The following PRKN variants were observed in gnomAD, a reference collection of about 807,000 sequenced individuals.
The protein encoded by PRKN is parkin RBR E3 ubiquitin protein ligase.
In PRKN, 56 loss-of-function variants were observed where a neutral mutation model predicts 59.5. The ratio of observed to expected loss-of-function variants is 0.94; its 90% CI spans 0.76 to 1.18. The LOEUF is 1.18. Among genes scored for constraint, PRKN ranks in the 50% most tolerant of loss-of-function variants. The pLI, the probability that PRKN is intolerant of heterozygous loss-of-function variation, is 0.00. For synonymous variants in PRKN, 250 were observed against 222.1 expected (o/e 1.13, Z -1.12); for missense variants, 657 against 596.4 (o/e 1.10, Z -1.06).
chr6:162,688,561 T>G (rs371423708), intron 1 of PRKN, among the ~76,000 whole-genome samples: 1 of 152,254 alleles, frequency 6.6e-6, no homozygotes, highest in African/African-American at 2.4e-5. Flanking sequence ...AAAACAAAAT[T>G]TAACTGTTAC....
chr6:162,171,191 A>G (rs1783255721), intron 4 of PRKN, among the ~76,000 whole-genome samples: 1 of 152,080 alleles, frequency 6.6e-6, no homozygotes, highest in Non-Finnish European at 1.5e-5. Context: ...AAAGGTCCTT[A>G]TGAGGATGGT....
At chr6:161,894,625 G>A (rs1049437963) in intron 6 of PRKN, among the ~76,000 whole-genome samples, 7 of 152,236 alleles carry the variant, frequency 4.6e-5, no homozygotes, top group East Asian at 1.9e-4. Context: ...TGCTCCTTGC[G>A]ATATACTTAT....
At chr6:161,902,837 G>A (rs552041738) in intron 6 of PRKN, among the ~76,000 whole-genome samples, 30 of 152,228 alleles carry the variant, frequency 2.0e-4, no homozygotes, top group South Asian at 1.7e-3. Flanking sequence ...GATTACAGGC[G>A]TGAGCCACCT....
At chr6:162,009,625 T>C (rs1782402751) in intron 5 of PRKN, among the ~76,000 whole-genome samples, 2 of 151,726 alleles carry the variant, frequency 1.3e-5, no homozygotes, top group African/African-American at 4.9e-5. Context: ...GCACACAGGA[T>C]GCATGCAGTG....
chr6:161,740,215 A>T (rs1788131482), intron 7 of PRKN, among the ~76,000 whole-genome samples: 2 of 152,390 alleles, frequency 1.3e-5, no homozygotes, highest in African/African-American at 4.8e-5. Context: ...CTTTTGAAAT[A>T]TTAAAAATAG....
intron 1 of PRKN, among the ~76,000 whole-genome samples, chr6:162,527,288 T>C (rs886580396): frequency 6.6e-6 from 1 of 152,144 alleles, no homozygotes; most frequent in Non-Finnish European, 1.5e-5. Flanking sequence ...ATAGTTACAG[T>C]GAGTGTATGA....
Position 161,348,666 on chromosome 6 carries a change from C to G in PRKN, c.*1433G>C, listed in dbSNP as rs559966988. 4 of 211,220 alleles carry G rather than the reference C, an allele frequency of 1.9e-5. No individual in the cohort carries two copies. The highest frequency in any genetic ancestry group is 3.8e-4 in the South Asian group (2 of 5,326). 13.1% of individuals were successfully genotyped at this position (211,220 alleles called of 1,614,324 possible). On this transcript the variant is annotated 3_prime_UTR_variant, in exon 12 of 12. Coordinates refer to ENST00000366898, the MANE Select transcript of PRKN (RefSeq NM_004562.3). This position sits in a 1 kb window ranked among gnomAD's most constrained non-coding sequence, Gnocchi z 4.9. ...TCAGTGCTACATCTAAAAAGAGAAG[C>G]CCTGTTGCCGATTTAATAATTTACA...
At position 161,773,766 on chromosome 6, in the gene PRKN, C is replaced by A. The variant is rs139481089; in HGVS notation, c.871+12006G>T. ...TTCTCTCTGCTATTCAGAACATTCCCACCTTATTTTTGCTTTCTCAAATGT... is the reference window on the plus strand; with the variant it reads ...TTCTCTCTGCTATTCAGAACATTCCAACCTTATTTTTGCTTTCTCAAATGT... On this transcript the variant is annotated intron_variant, in intron 7 of 11. Transcript: ENST00000366898. 5.2e-3 allele frequency among the ~76,000 whole-genome samples: 799 copies of A among 152,232 alleles called. 8 individuals are homozygous for A. Among genetic ancestry groups the A allele is most frequent in the African/African-American group, 0.018 (750 of 41,540 alleles).
chr6:162,606,379 T>C (rs1292830196), intron 1 of PRKN, among the ~76,000 whole-genome samples: 2 of 152,222 alleles, frequency 1.3e-5, no homozygotes, highest in South Asian at 2.1e-4. Context: ...TCCTATCTTA[T>C]AATAAAGTAT....
In PRKN at chr6:162,096,521, A is replaced by G. The variant is rs971930789; in HGVS notation, c.535-42347T>C. Among the ~76,000 whole-genome samples the G allele has an allele frequency of 2.6e-5, 4 of 152,322 alleles. No individual in the cohort carries two copies. The East Asian group carries it at 7.7e-4, about 30-fold the overall frequency. ...CTACCCAAATCTCATCCTGAATTGT[A>G]GCTCCCATAATTCCCACATGTTGTG... On this transcript the variant is annotated intron_variant, in intron 4 of 11. Coordinates refer to ENST00000366898, the MANE Select transcript of PRKN (RefSeq NM_004562.3).
rs1250212823 is a variant in PRKN at position 161,560,039 on chromosome 6, C to T, written c.933+9316G>A. Among the ~76,000 whole-genome samples, 2 of 152,044 alleles carry T rather than the reference C, an allele frequency of 1.3e-5. No homozygotes were observed. Among genetic ancestry groups the T allele is most frequent in the African/African-American group, 4.8e-5 (2 of 41,404 alleles). The stretch of plus-strand genomic sequence containing the variant: ...GATCATCACAATGCATCCCTCATGC[C>T]CCACATCATTGCTTCAGAGGCTCAA... On this transcript the variant is annotated intron_variant, in intron 8 of 11. Transcript: ENST00000366898. The surrounding 1 kb of genome is among the most constrained non-coding windows in gnomAD (Gnocchi z 4.9).
intron 2 of PRKN, among the ~76,000 whole-genome samples, chr6:162,301,784 G>T (rs547886239): frequency 3.2e-5 from 1 of 31,154 alleles, no homozygotes; most frequent in Non-Finnish European, 5.2e-5. Context: ...TGGCCGGGGC[G>T]GGGGGGGGGT....
intron 6 of PRKN, among the ~76,000 whole-genome samples, chr6:161,900,928 A>ATATATATTTT (rs377615355): frequency 1.3e-4 from 18 of 143,510 alleles, no homozygotes; most frequent in Admixed American, 3.6e-4. Context: ...ATATATATAT[A>ATATATATTTT]TTTTTTAGAT....
At chr6:161,727,152 G>A (rs1405415290) in intron 7 of PRKN, among the ~76,000 whole-genome samples, 2 of 152,174 alleles carry the variant, frequency 1.3e-5, no homozygotes, top group African/African-American at 4.8e-5. Context: ...GGGAGCTGCT[G>A]GCTAGCTGTC....
At chr6:161,704,609 C>A (rs1786403875) in intron 7 of PRKN, among the ~76,000 whole-genome samples, 1 of 152,084 alleles carries the variant, frequency 6.6e-6, no homozygotes, top group Non-Finnish European at 1.5e-5. Context: ...ATCTGCACAC[C>A]CAGGTCCTCC....
chr6:161,585,229 A>G (rs575114560), intron 7 of PRKN, among the ~76,000 whole-genome samples: 3 of 152,314 alleles, frequency 2.0e-5, no homozygotes, highest in Admixed American at 6.5e-5. Context: ...AGAAAACACA[A>G]TCTATGTGCT....
intron 6 of PRKN, among the ~76,000 whole-genome samples, chr6:161,788,473 G>A (rs752724697): frequency 6.6e-6 from 1 of 152,098 alleles, no homozygotes; most frequent in Non-Finnish European, 1.5e-5. Flanking sequence ...CCAGAGTTTT[G>A]GTTCCCACAG....
chr6:162,698,407 C>T (rs1778040159), intron 1 of PRKN, among the ~76,000 whole-genome samples: 1 of 152,014 alleles, frequency 6.6e-6, no homozygotes, highest in Non-Finnish European at 1.5e-5. Context: ...GACAGTCAGG[C>T]TGGTTTGCTA....
At chr6:162,041,149 C>T (rs896648617) in intron 5 of PRKN, among the ~76,000 whole-genome samples, 59 of 151,908 alleles carry the variant, frequency 3.9e-4, no homozygotes, top group African/African-American at 1.4e-3. Context: ...CGCACCACTG[C>T]CCTCCAGCCT....
Sources: allele counts gnomAD v4.1 joint callset (sites outside exome capture counted in the v4.1 genomes callset), GRCh38; gene constraint gnomAD v4.1.1; non-coding constraint Gnocchi (gnomAD v3.1); transcripts MANE v1.5; gene names NCBI Gene and HGNC (gene_info 2026-07-23, HGNC 2026-07-21).